CNOT6L: variants seen among roughly 807,000 people sequenced by gnomAD.
CNOT6L encodes CCR4-NOT transcription complex subunit 6-like.
In CNOT6L, 7 loss-of-function variants were observed where a neutral mutation model predicts 64.0. The observed-to-expected ratio is 0.11, with a 90% CI of 0.06 to 0.21. The LOEUF is 0.21. Among genes scored for constraint, CNOT6L ranks in the 10% least tolerant of loss-of-function variants. CNOT6L has a pLI of 1.00. For synonymous variants in CNOT6L, 193 were observed against 243.4 expected (o/e 0.79, Z 1.93); for missense variants, 245 against 669.0 (o/e 0.37, Z 6.99).
rs866473476 is a variant in CNOT6L at position 77,752,524 on chromosome 4, T to G, written c.491-4140A>C. Among the ~76,000 whole-genome samples the G allele has an allele frequency of 7.9e-5, 12 of 152,264 alleles. No homozygotes were observed. The Middle Eastern group carries it at 0.01, about 130-fold the overall frequency. ...TTTAACATTTAAATTAATCAAGATA[T>G]GTTCTCTAACCACCATGGAATTAAG... On this transcript the variant is annotated intron_variant, in intron 5 of 11. Coordinates refer to ENST00000504123, the MANE Select transcript of CNOT6L (RefSeq NM_144571.3).
At chr4:77,751,125 A>G (rs1724813577) in intron 5 of CNOT6L, among the ~76,000 whole-genome samples, 1 of 152,218 alleles carries the variant, frequency 6.6e-6, no homozygotes, top group South Asian at 2.1e-4. Flanking sequence ...AGCCATCATA[A>G]AACTGCTTGA....
chr4:77,787,095 G>A (rs1577984693), intron 1 of CNOT6L, among the ~76,000 whole-genome samples: 2 of 151,582 alleles, frequency 1.3e-5, no homozygotes, highest in Admixed American at 6.6e-5. Flanking sequence ...GCGAAACCCC[G>A]TCTCTATTAA....
chr4:77,763,318 G>C (rs1726450658), intron 4 of CNOT6L, among the ~76,000 whole-genome samples: 1 of 152,036 alleles, frequency 6.6e-6, no homozygotes, highest in African/African-American at 2.4e-5. Context: ...AAATGGATGA[G>C]AGAATATATA....
At chr4:77,723,907 T>C (rs1721557265) in intron 11 of CNOT6L, among the ~76,000 whole-genome samples, 1 of 152,176 alleles carries the variant, frequency 6.6e-6, no homozygotes, top group Non-Finnish European at 1.5e-5. Flanking sequence ...GGAAGGTGGA[T>C]TAATGTCCCA....
At chr4:77,729,581 G>A (rs1275982418) in intron 9 of CNOT6L, among the ~76,000 whole-genome samples, 2 of 152,064 alleles carry the variant, frequency 1.3e-5, no homozygotes, top group Admixed American at 6.6e-5. Flanking sequence ...ACCATATACC[G>A]AAATAACATT....
chr4:77,794,071 G>T (rs1730492728), intron 1 of CNOT6L, among the ~76,000 whole-genome samples: 2 of 126,148 alleles, frequency 1.6e-5, no homozygotes, highest in African/African-American at 6.0e-5. Context: ...AGAATTGCTT[G>T]AACCCAGAAG....
chr4:77,728,807 G>A (rs747464240), intron 10 of CNOT6L, 47 bp downstream of exon 10: 1 of 1,497,716 alleles, frequency 6.7e-7, no homozygotes, highest in South Asian at 1.1e-5. Context: ...TTTGAACCAA[G>A]AGTAAAAGTG....
At chr4:77,779,724 G>A (rs1258168546) in intron 1 of CNOT6L, among the ~76,000 whole-genome samples, 1 of 152,170 alleles carries the variant, frequency 6.6e-6, no homozygotes, top group African/African-American at 2.4e-5. Flanking sequence ...CACTTTGGGA[G>A]GCCGAGGCGG....
intron 4 of CNOT6L, among the ~76,000 whole-genome samples, chr4:77,764,777 A>T (rs1364065703): frequency 1.3e-5 from 2 of 152,126 alleles, no homozygotes; most frequent in Non-Finnish European, 2.9e-5. Context: ...TACCCCAAAT[A>T]CAAGAGACCC....
chr4:77,735,083 G>A lies in CNOT6L; in HGVS notation c.873-3545C>T, dbSNP rs1461769198. 2.0e-5 allele frequency among the ~76,000 whole-genome samples: 3 copies of A among 152,110 alleles called. No individual in the cohort carries two copies. In the East Asian group the frequency reaches 5.8e-4, roughly 29 times the overall value. ...CCTACTCATGGTCACATACTTCTAG[G>A]AGCACCACCATCCAATTAGAAATCG... On this transcript the variant is annotated intron_variant, in intron 8 of 11. Transcript: ENST00000504123.
At chr4:77,817,718 C>T (rs1373003960) in intron 1 of CNOT6L, among the ~76,000 whole-genome samples, 1 of 152,228 alleles carries the variant, frequency 6.6e-6, no homozygotes, top group African/African-American at 2.4e-5. Flanking sequence ...TAGAGAACAG[C>T]TCTTCGCCCC....
upstream of CNOT6L, chr4:77,819,371 A>ACT: frequency 6.2e-7 from 1 of 1,607,292 alleles, no homozygotes; most frequent in Non-Finnish European, 8.5e-7. Flanking sequence ...ACACACACAC[A>ACT]AACACGCGCG....
chr4:77,811,638 T>C (rs1392403536), intron 1 of CNOT6L, among the ~76,000 whole-genome samples: 1 of 152,176 alleles, frequency 6.6e-6, no homozygotes, highest in Admixed American at 6.5e-5. Context: ...AGCATTATTA[T>C]CTGCCCCTTA....
rs1721103675 is a variant in CNOT6L, at chr4:77,719,872, TTTC to T, written c.*556_*558del. 1 of 152,682 alleles carries T rather than the reference TTTC, an allele frequency of 6.5e-6. No individual in the cohort carries two copies. The highest frequency in any genetic ancestry group is 2.4e-5 in the African/African-American group (1 of 41,434). The allele number at this position is 152,682 out of a possible 1,614,324, so 9.5% of individuals were successfully genotyped here. A position where few individuals can be genotyped will look rare whatever the true frequency, so the allele number is the denominator to read the frequency against. ...TGCAACCATCTTTAATTTTTCAAAT[TTTC>T]TTACCATGTATAGAGGCTATATCAT... is the stretch of plus-strand genomic sequence containing the variant. On this transcript the variant is annotated 3_prime_UTR_variant, in exon 12 of 12. Transcript: ENST00000504123.
intron 1 of CNOT6L, among the ~76,000 whole-genome samples, chr4:77,788,079 C>A (rs948547092): frequency 6.6e-6 from 1 of 152,140 alleles, no homozygotes; most frequent in African/African-American, 2.4e-5. Context: ...AGTGGGAAAT[C>A]TACATTCCAC....
At chr4:77,769,425 G>A (rs1360308933) in intron 4 of CNOT6L, among the ~76,000 whole-genome samples, 1 of 152,080 alleles carries the variant, frequency 6.6e-6, no homozygotes, top group African/African-American at 2.4e-5. Context: ...GGTGAAAAAT[G>A]TAATTGAATA....
At chr4:77,759,322 T>C (rs910890436) in intron 4 of CNOT6L, among the ~76,000 whole-genome samples, 1 of 151,360 alleles carries the variant, frequency 6.6e-6, no homozygotes, top group African/African-American at 2.4e-5. Flanking sequence ...TCCCAGCAGT[T>C]TGGGAGGCCG....
chr4:77,734,592 C>A (rs1349045581), intron 8 of CNOT6L, among the ~76,000 whole-genome samples: 3 of 152,162 alleles, frequency 2.0e-5, no homozygotes, highest in Non-Finnish European at 4.4e-5. Context: ...GTCCCTCCCT[C>A]TTTTTATTCC....
chr4:77,814,062 TG>T (rs1233126609), intron 1 of CNOT6L, among the ~76,000 whole-genome samples: 3 of 152,170 alleles, frequency 2.0e-5, no homozygotes, highest in Admixed American at 2.0e-4. Context: ...ATTACAAGAA[TG>T]AAATACTTGC....
Sources: allele counts gnomAD v4.1 joint callset (sites outside exome capture counted in the v4.1 genomes callset), GRCh38; gene constraint gnomAD v4.1.1; transcripts MANE v1.5; gene names NCBI Gene and HGNC (gene_info 2026-07-23, HGNC 2026-07-21).